DPP6: variants seen among roughly 807,000 people sequenced by gnomAD.
DPP6 encodes dipeptidyl peptidase like 6.
A neutral mutation model predicts 122.6 loss-of-function variants in DPP6; 69 were observed. The ratio of observed to expected loss-of-function variants is 0.56; its 90% CI spans 0.46 to 0.69. The LOEUF is 0.69. Ranked by LOEUF, DPP6 falls within the 30% of genes least tolerant of loss-of-function variation. The pLI is 0.00. For synonymous variants in DPP6, 418 were observed against 433.1 expected, an observed-to-expected ratio of 0.97 and a Z score of 0.43; for missense variants, 928 against 1,116.9, an observed-to-expected ratio of 0.83 and a Z score of 2.41.
At chr7:154,469,567 C>A (rs1822083186) in intron 2 of DPP6, among the ~76,000 whole-genome samples, 2 of 152,106 alleles carry the variant, frequency 1.3e-5, no homozygotes, top group Non-Finnish European at 2.9e-5. Flanking sequence ...AGGTCAAAAT[C>A]CCCAAGGTTC....
chr7:154,808,231 G>A (rs745680207), intron 16 of DPP6, among the ~76,000 whole-genome samples: 2 of 152,172 alleles, frequency 1.3e-5, no homozygotes, highest in African/African-American at 2.4e-5. Flanking sequence ...GCCTTTGCTA[G>A]CTACTAGAGA....
chr7:154,794,088 C>T lies in DPP6; in HGVS notation c.1146C>T (p.Tyr382=). 6.2e-7 allele frequency: 1 copy of T among 1,613,640 alleles called. No individual in the cohort carries two copies. The highest frequency in any genetic ancestry group is 1.6e-4 in the Middle Eastern group (1 of 6,062). The change falls in exon 11 of 26, where the codon TAC becomes TAT. Residue 382 remains tyrosine (Y), a synonymous_variant. Coordinates refer to ENST00000377770, the MANE Select transcript of DPP6 (RefSeq NM_130797.4). The part of the protein sequence containing the change: ...PPDDPRMREY[Y]ITMVKWATST... Reference sequence around the variant, plus strand: ...TGTTTGGCGTTTCCAGGGAGTACTACATCACCATGGTGAAGTGGGCCACCA... The same window carrying T: ...TGTTTGGCGTTTCCAGGGAGTACTATATCACCATGGTGAAGTGGGCCACCA...
chr7:154,053,829 G>A (rs1054776261), intron 1 of DPP6, among the ~76,000 whole-genome samples: 3 of 146,712 alleles, frequency 2.0e-5, no homozygotes, highest in Non-Finnish European at 3.0e-5. Context: ...TGGAAGCCTG[G>A]GTTTCAAAGG....
chr7:154,184,349 T>C (rs1442577726), intron 1 of DPP6, among the ~76,000 whole-genome samples: 1 of 151,966 alleles, frequency 6.6e-6, no homozygotes, highest in Non-Finnish European at 1.5e-5. Flanking sequence ...GGGGGTCCTC[T>C]CCACTCCCCT....
upstream of DPP6, chr7:153,887,003 C>G (rs772086712): frequency 6.6e-6 from 1 of 152,414 alleles, no homozygotes; most frequent in African/African-American, 2.4e-5. Context: ...GGCGTCTACC[C>G]GAGGAGGGGT....
intron 1 of DPP6, among the ~76,000 whole-genome samples, chr7:154,166,529 T>A (rs903477527): frequency 6.6e-6 from 1 of 151,718 alleles, no homozygotes; most frequent in South Asian, 2.1e-4. Flanking sequence ...CCCGAAGAAC[T>A]TTTGAAAATA....
chr7:154,782,125 C>G (rs1225101898), intron 10 of DPP6, among the ~76,000 whole-genome samples: 1 of 152,160 alleles, frequency 6.6e-6, no homozygotes, highest in Non-Finnish European at 1.5e-5. Flanking sequence ...GCTTGCCCAT[C>G]TCTGCACCGT....
At chr7:154,239,818 C>CAAAAA (rs146860382) in intron 1 of DPP6, among the ~76,000 whole-genome samples, 928 of 91,762 alleles carry the variant, frequency 0.01, 18 homozygotes, top group African/African-American at 0.028. Context: ...ACTAAAACTA[C>CAAAAA]AAAAAAAAAA....
intron 3 of DPP6, among the ~76,000 whole-genome samples, chr7:154,521,827 C>T (rs1827005454): frequency 1.3e-5 from 2 of 152,158 alleles, no homozygotes; most frequent in African/African-American, 4.8e-5. Context: ...CCCATTTCAG[C>T]CCCAGACAAT....
chr7:154,111,620 C>CAT (rs975038900), intron 1 of DPP6, among the ~76,000 whole-genome samples: 25 of 134,912 alleles, frequency 1.9e-4, no homozygotes, highest in African/African-American at 6.9e-4. Context: ...GGCAGGGTTT[C>CAT]GTGTGTGTGT....
intron 8 of DPP6, among the ~76,000 whole-genome samples, chr7:154,748,662 G>C (rs1001313437): frequency 2.6e-5 from 4 of 152,170 alleles, no homozygotes; most frequent in African/African-American, 9.7e-5. Flanking sequence ...AGTTTCTCGC[G>C]CATGGCGGTA....
chr7:154,811,249 A>C (rs1444170270), intron 16 of DPP6, among the ~76,000 whole-genome samples: 1 of 152,268 alleles, frequency 6.6e-6, no homozygotes, highest in East Asian at 1.9e-4. Flanking sequence ...ACAACAAAGT[A>C]CATGGGGAGA....
At chr7:154,835,350 C>T (rs1290223155) in intron 16 of DPP6, among the ~76,000 whole-genome samples, 1 of 152,122 alleles carries the variant, frequency 6.6e-6, no homozygotes, top group African/African-American at 2.4e-5. Context: ...CCGCCCTGCC[C>T]CCACCTTCAT....
chr7:154,134,233 C>G (rs1369118199), intron 1 of DPP6, among the ~76,000 whole-genome samples: 1 of 152,144 alleles, frequency 6.6e-6, no homozygotes, highest in Admixed American at 6.5e-5. Flanking sequence ...CCATTTTGTG[C>G]TGAGACTCAT....
rs1022467160 is a variant in DPP6, at chr7:154,893,242, T to G, written c.*762T>G. On this transcript the variant is annotated 3_prime_UTR_variant, in exon 26 of 26. Coordinates refer to ENST00000377770, the MANE Select transcript of DPP6 (RefSeq NM_130797.4). Reference sequence around the variant, plus strand: ...GGAAGTAACTGCTCCCTCCTCAAGGTTGTCTTCAGACGTCTTGGGGACGTT... The same window carrying G: ...GGAAGTAACTGCTCCCTCCTCAAGGGTGTCTTCAGACGTCTTGGGGACGTT... 1 of 272,372 alleles carries G rather than the reference T, an allele frequency of 3.7e-6. No individual in the cohort carries two copies. The highest frequency in any genetic ancestry group is 7.2e-6 in the Non-Finnish European group (1 of 138,044). The allele number at this position is 272,372 out of a possible 1,614,324, so 16.9% of individuals were successfully genotyped here.
intron 1 of DPP6, among the ~76,000 whole-genome samples, chr7:154,020,090 C>T (rs556544782): frequency 6.6e-5 from 10 of 150,616 alleles, no homozygotes; most frequent in Non-Finnish European, 5.9e-5. Flanking sequence ...ATAAAACTTT[C>T]CAGAATTTCA....
At chr7:154,278,951 A>G (rs566458434) in intron 1 of DPP6, among the ~76,000 whole-genome samples, 2 of 151,768 alleles carry the variant, frequency 1.3e-5, no homozygotes, top group South Asian at 4.2e-4. Flanking sequence ...GTTGTGTGGT[A>G]TGTATATGGG....
rs1302410448 is a variant in DPP6, at chr7:154,618,776, C to T, written c.628-19045C>T. Among the ~76,000 whole-genome samples the T allele has an allele frequency of 2.6e-5, 4 of 152,184 alleles. No homozygotes were observed. Among genetic ancestry groups the T allele is most frequent in the African/African-American group, 4.8e-5 (2 of 41,430 alleles). On this transcript the variant is annotated intron_variant, in intron 5 of 25. Coordinates refer to ENST00000377770, the MANE Select transcript of DPP6 (RefSeq NM_130797.4). The surrounding 1 kb of genome is among the most constrained non-coding windows in gnomAD (Gnocchi z 4.1). ...TTCACTTACTCATGTAATCTCAGCACTATTATCATCTGCATGTCACAGAGG... is the reference window on the plus strand; with the variant it reads ...TTCACTTACTCATGTAATCTCAGCATTATTATCATCTGCATGTCACAGAGG...
chr7:154,889,351 A>G lies in DPP6; in HGVS notation c.2377+7A>G. On this transcript the variant is annotated splice_region_variant and intron_variant, in intron 24 of 25. Coordinates refer to ENST00000377770, the MANE Select transcript of DPP6 (RefSeq NM_130797.4). ...ATTCATCCCACTGCCGATGGTAAGG[A>G]CTGAAAACATGAATTCACTGTGTAT... The G allele has an allele frequency of 6.2e-7, 1 of 1,611,960 alleles. No individual in the cohort carries two copies. The highest frequency in any genetic ancestry group is 8.5e-7 in the Non-Finnish European group (1 of 1,179,496).
Sources: allele counts gnomAD v4.1 joint callset (sites outside exome capture counted in the v4.1 genomes callset), GRCh38; gene constraint gnomAD v4.1.1; non-coding constraint Gnocchi (gnomAD v3.1); transcripts MANE v1.5; gene names NCBI Gene and HGNC (gene_info 2026-07-23, HGNC 2026-07-21).